RALGPS1: variants seen among roughly 807,000 people sequenced by gnomAD.
RALGPS1 encodes the protein ras-specific guanine nucleotide-releasing factor RalGPS1.
In RALGPS1, 19 loss-of-function variants were observed where a neutral mutation model predicts 78.8. The ratio of observed to expected loss-of-function variants is 0.24; its 90% CI spans 0.17 to 0.35. The LOEUF (loss-of-function observed/expected upper bound fraction) is 0.35, where lower values mean the gene tolerates loss of function less well. Ranked by LOEUF, RALGPS1 falls within the 10% of genes least tolerant of loss-of-function variation. The pLI is 1.00. For missense variants in RALGPS1, 454 were observed against 688.3 expected (o/e 0.66, Z 3.81); for synonymous variants, 228 against 256.3 (o/e 0.89, Z 1.06).
intron 8 of RALGPS1, among the ~76,000 whole-genome samples, chr9:127,116,057 TATCC>T: frequency 6.6e-6 from 1 of 152,304 alleles, no homozygotes; most frequent in African/African-American, 2.4e-5. Flanking sequence ...ATGAACCATT[TATCC>T]ATCCATCCAG....
chr9:126,942,707 T>C (rs915235156), intron 1 of RALGPS1, among the ~76,000 whole-genome samples: 1 of 152,246 alleles, frequency 6.6e-6, no homozygotes, highest in East Asian at 1.9e-4. Flanking sequence ...TTAAATCAAT[T>C]TGTTGAGTTC....
intron 4 of RALGPS1, among the ~76,000 whole-genome samples, chr9:127,013,984 TCTC>T (rs1429478329): frequency 2.0e-5 from 3 of 152,178 alleles, no homozygotes; most frequent in Non-Finnish European, 4.4e-5. Context: ...ATGCCTGTCT[TCTC>T]CACCGGAAGC....
intron 14 of RALGPS1, among the ~76,000 whole-genome samples, chr9:127,200,477 C>G (rs1264108749): frequency 6.6e-6 from 1 of 152,266 alleles, no homozygotes; most frequent in Non-Finnish European, 1.5e-5. Context: ...CTGAGCCACA[C>G]CCAACAGCCT....
Position 127,218,861 on chromosome 9 carries a change from C to A in RALGPS1, c.*92C>A, listed in dbSNP as rs2062700135. 1 of 1,443,596 alleles carries A rather than the reference C, an allele frequency of 6.9e-7. No individual in the cohort carries two copies. The highest frequency in any genetic ancestry group is 9.8e-7 in the Non-Finnish European group (1 of 1,025,616). The allele number at this position is 1,443,596 out of a possible 1,614,324, so 89.4% of individuals were successfully genotyped here. A position where few individuals can be genotyped will look rare whatever the true frequency, so the allele number is the denominator to read the frequency against. ...GCAGTCCTGGGCACAGGCTGTGAGC[C>A]AGGGTGCTGGGAAACTCACAGCTGG... On this transcript the variant is annotated 3_prime_UTR_variant, in exon 19 of 19. Transcript: ENST00000259351. The surrounding 1 kb of genome is among the most constrained non-coding windows in gnomAD (Gnocchi z 4.4).
rs1406498764 is a variant in RALGPS1 at position 127,212,141 on chromosome 9, C to G, written c.1258C>G (p.Pro420Ala). The G allele has an allele frequency of 6.8e-6, 11 of 1,612,854 alleles. No individual in the cohort carries two copies. The highest frequency in any genetic ancestry group is 9.3e-6 in the Non-Finnish European group (11 of 1,179,524). Reference protein sequence around the residue: ...MSSGLESPTGPCICSLGNSAA... With the variant: ...MSSGLESPTGACICSLGNSAA... ...GTAGTCTCTCCTCAGCCCCACCGGCCCGTGCATCTGTTCTCTGGGGAACTC... is the reference window on the plus strand; with the variant it reads ...GTAGTCTCTCCTCAGCCCCACCGGCGCGTGCATCTGTTCTCTGGGGAACTC... The change falls in exon 15 of 19, where the codon CCG (proline) becomes GCG (alanine). Residue 420 changes from proline (P) to alanine (A), a missense_variant. Transcript: ENST00000259351. This position sits in a 1 kb window ranked among gnomAD's most constrained non-coding sequence, Gnocchi z 6.0.
In RALGPS1 at chr9:127,166,221, T is replaced by G; in HGVS notation, c.748+15T>G. Reference sequence around the variant, plus strand: ...CTGCAGCTATGGTTAGTACCCTTGTTGTTAGAATTGTGAAATCTTACGTCA... The same window carrying G: ...CTGCAGCTATGGTTAGTACCCTTGTGGTTAGAATTGTGAAATCTTACGTCA... On this transcript the variant is annotated intron_variant, in intron 9 of 18. Coordinates refer to ENST00000259351, the MANE Select transcript of RALGPS1 (RefSeq NM_014636.3). The G allele has an allele frequency of 1.9e-6, 3 of 1,610,984 alleles. No homozygotes were observed. The highest frequency in any genetic ancestry group is 2.2e-5 in the South Asian group (2 of 90,068).
intron 1 of RALGPS1, among the ~76,000 whole-genome samples, chr9:126,956,527 C>T (rs1010672769): frequency 1.3e-5 from 2 of 152,242 alleles, no homozygotes; most frequent in East Asian, 1.9e-4. Flanking sequence ...TCAGACCTCC[C>T]GTATAAAGCA....
intron 8 of RALGPS1, among the ~76,000 whole-genome samples, chr9:127,165,504 C>A (rs1268776745): frequency 6.6e-6 from 1 of 152,248 alleles, no homozygotes; most frequent in Admixed American, 6.5e-5. Context: ...TATTTCACAT[C>A]TTATTTTCTT....
intron 4 of RALGPS1, among the ~76,000 whole-genome samples, chr9:127,028,578 T>G (rs2046156543): frequency 6.6e-6 from 1 of 152,214 alleles, no homozygotes; most frequent in Non-Finnish European, 1.5e-5. Context: ...GGGACTGCTG[T>G]CCTGTGTGCC....
intron 4 of RALGPS1, among the ~76,000 whole-genome samples, chr9:127,030,448 G>T (rs1231303344): frequency 6.6e-6 from 1 of 152,128 alleles, no homozygotes; most frequent in Non-Finnish European, 1.5e-5. Flanking sequence ...CAACAAATAT[G>T]GTGGAGGCTA....
At chr9:127,092,534 A>G (rs981328859) in intron 8 of RALGPS1, among the ~76,000 whole-genome samples, 9 of 152,104 alleles carry the variant, frequency 5.9e-5, no homozygotes, top group African/African-American at 1.9e-4. Context: ...CATTAATACA[A>G]TAATTATTTA....
chr9:127,189,308 G>A (rs55733752), intron 11 of RALGPS1, among the ~76,000 whole-genome samples: 10,078 of 152,216 alleles, frequency 0.066, 473 homozygotes, highest in Middle Eastern at 0.13. Context: ...GTATCCACTC[G>A]TAGACCCATC....
chr9:126,948,879 A>G (rs977574865), intron 1 of RALGPS1, among the ~76,000 whole-genome samples: 6 of 151,340 alleles, frequency 4.0e-5, no homozygotes, highest in African/African-American at 1.5e-4. Flanking sequence ...GGTTAGTTAC[A>G]TATGTATGCA....
At chr9:127,147,127 T>G (rs1179620183) in intron 8 of RALGPS1, among the ~76,000 whole-genome samples, 21 of 152,230 alleles carry the variant, frequency 1.4e-4, no homozygotes. Flanking sequence ...TCTCTGATGA[T>G]TAGTGATGCT....
At chr9:127,103,358 A>T (rs760884140) in intron 8 of RALGPS1, among the ~76,000 whole-genome samples, 14 of 152,186 alleles carry the variant, frequency 9.2e-5, no homozygotes, top group Non-Finnish European at 2.1e-4. Flanking sequence ...CACTCTTGTC[A>T]GTGAAGCAAT....
intron 8 of RALGPS1, among the ~76,000 whole-genome samples, chr9:127,074,467 C>G (rs1449050154): frequency 2.6e-5 from 4 of 152,184 alleles, no homozygotes; most frequent in Admixed American, 6.5e-5. Context: ...CTGTGCAGAG[C>G]TCCCAAGTCC....
At chr9:126,961,121 G>A (rs1359509262) in intron 1 of RALGPS1, among the ~76,000 whole-genome samples, 14 of 152,146 alleles carry the variant, frequency 9.2e-5, no homozygotes, top group African/African-American at 4.8e-5. Flanking sequence ...AGCTTTCTGC[G>A]TTCAGTGATG....
chr9:127,146,952 C>T (rs1237448076), intron 8 of RALGPS1, among the ~76,000 whole-genome samples: 1 of 152,214 alleles, frequency 6.6e-6, no homozygotes, highest in Non-Finnish European at 1.5e-5. Flanking sequence ...GAGAAATCTC[C>T]AGACTGCTTT....
intron 5 of RALGPS1, among the ~76,000 whole-genome samples, chr9:127,047,678 G>A (rs541562444): frequency 6.7e-5 from 10 of 148,818 alleles, no homozygotes; most frequent in African/African-American, 2.5e-4. Flanking sequence ...CAGCCTCGGT[G>A]ACAGAGCGAG....
Sources: allele counts gnomAD v4.1 joint callset (sites outside exome capture counted in the v4.1 genomes callset), GRCh38; gene constraint gnomAD v4.1.1; non-coding constraint Gnocchi (gnomAD v3.1); transcripts MANE v1.5; gene names NCBI Gene and HGNC (gene_info 2026-07-23, HGNC 2026-07-21).